IL21R: variants seen among roughly 807,000 people sequenced by gnomAD.
IL21R encodes interleukin 21 receptor, also known as interleukin-21 receptor.
Under a neutral mutation model 41.3 loss-of-function variants are expected in IL21R, and 14 were observed. That is an observed-to-expected ratio of 0.34 (90% confidence interval 0.22 to 0.53). The LOEUF is 0.53. IL21R is among the 20% of genes least tolerant of loss of function. The probability of loss-of-function intolerance (pLI) is 0.94; values close to 1 mark genes in which losing one functional copy is unlikely to be tolerated. For missense variants in IL21R, 588 were observed against 681.6 expected (o/e 0.86, Z 1.53); for synonymous variants, 286 against 287.6 (o/e 0.99, Z 0.05).
At chr16:27,418,858 ATATAT>A (rs1384242680) in intron 1 of IL21R, among the ~76,000 whole-genome samples, 3 of 150,362 alleles carry the variant, frequency 2.0e-5, no homozygotes, top group Admixed American at 1.3e-4. Context: ...AAGCCTTTTT[ATATAT>A]TATATTTTAA....
At chr16:27,406,766 A>C (rs983018764) in intron 1 of IL21R, among the ~76,000 whole-genome samples, 5 of 152,128 alleles carry the variant, frequency 3.3e-5, no homozygotes, top group Non-Finnish European at 5.9e-5. Flanking sequence ...CACACTCCGC[A>C]TCCAGGCTAA....
chr16:27,443,026 C>T lies in IL21R; in HGVS notation c.417C>T (p.Arg139=). The T allele has an allele frequency of 6.2e-7, 1 of 1,613,930 alleles. No individual in the cohort carries two copies. Among genetic ancestry groups the T allele is most frequent in the Non-Finnish European group, 8.5e-7 (1 of 1,179,894 alleles). The part of the protein sequence containing the change: ...TFSGQYNISW[R]SDYEDPAFYM... ...CAGGACAGTATAATATCTCCTGGCG[C>T]TCAGATTACGAAGACCCTGCCTTCT... The change falls in exon 5 of 9, where the codon CGC becomes CGT. Residue 139 remains arginine, a synonymous_variant. Transcript: ENST00000337929.
intron 4 of IL21R, 33 bp from the exon 5 acceptor site, chr16:27,442,929 C>T (rs1339474568): frequency 3.9e-6 from 6 of 1,555,072 alleles, no homozygotes; most frequent in Non-Finnish European, 5.2e-6. Context: ...CAAATTCTCA[C>T]CCCATTTTCT....
At chr16:27,444,459 C>G (rs2087442140) in intron 5 of IL21R, 83 bp from the exon 6 acceptor site, 7 of 947,846 alleles carry the variant, frequency 7.4e-6, no homozygotes, top group Non-Finnish European at 8.9e-6. Flanking sequence ...TTGATGGAAG[C>G]TGGGAAAAGA....
intron 1 of IL21R, among the ~76,000 whole-genome samples, chr16:27,429,472 C>T (rs2087131973): frequency 6.6e-6 from 1 of 152,042 alleles, no homozygotes; most frequent in Admixed American, 6.6e-5. Context: ...AGTCTCCTCC[C>T]TCTTTAAATT....
Position 27,448,671 on chromosome 16 carries a change from A to G in IL21R, c.1005A>G (p.Gln335=), listed in dbSNP as rs1178404739. Reference sequence around the variant, plus strand: ...AGAGGCTGCAGCTCACGGAGCTACAAGAACCAGCAGAGCTGGTGGAGTCTG... The same window carrying G: ...AGAGGCTGCAGCTCACGGAGCTACAGGAACCAGCAGAGCTGGTGGAGTCTG... ...PAKRLQLTEL[Q]EPAELVESDG... The change falls in exon 9 of 9, where the codon CAA becomes CAG. Residue 335 remains glutamine (Q), a synonymous_variant. Coordinates refer to ENST00000337929, the MANE Select transcript of IL21R (RefSeq NM_181078.3). 1 of 1,613,076 alleles carries G rather than the reference A, an allele frequency of 6.2e-7. No homozygotes were observed. The highest frequency in any genetic ancestry group is 8.5e-7 in the Non-Finnish European group (1 of 1,180,020).
chr16:27,409,678 T>C lies in IL21R; in HGVS notation c.-17+7060T>C, dbSNP rs190447752. On this transcript the variant is annotated intron_variant, in intron 1 of 8. Coordinates refer to ENST00000337929, the MANE Select transcript of IL21R (RefSeq NM_181078.3). The stretch of plus-strand genomic sequence containing the variant: ...ACTGAAAATCAAGTGGTTGAATACA[T>C]GAGTTTATTTCTACTGTTTCTGTTC... 2.2e-3 allele frequency among the ~76,000 whole-genome samples: 329 copies of C among 152,318 alleles called. 2 individuals carry two copies. Among genetic ancestry groups the C allele is most frequent in the African/African-American group, 7.6e-3 (317 of 41,580 alleles).
intron 1 of IL21R, among the ~76,000 whole-genome samples, chr16:27,428,948 G>T (rs1053648443): frequency 6.6e-6 from 1 of 152,236 alleles, no homozygotes; most frequent in Non-Finnish European, 1.5e-5. Context: ...TGATGGCTGG[G>T]TGCAGTGGCT....
intron 1 of IL21R, among the ~76,000 whole-genome samples, chr16:27,420,050 G>A (rs1014009703): frequency 6.6e-6 from 1 of 151,858 alleles, no homozygotes; most frequent in African/African-American, 2.4e-5. Flanking sequence ...ACCACGCCTG[G>A]CTAAGTTTTT....
At position 27,449,320 on chromosome 16, in the gene IL21R, T is replaced by C. The variant is rs371520460; in HGVS notation, c.*37T>C. 21 of 1,540,962 alleles carry C rather than the reference T, an allele frequency of 1.4e-5. No individual in the cohort carries two copies. The African/African-American group carries it at 2.2e-4, about 16-fold the overall frequency. ...GGATGTCCAGAGCTGGCCAGGCCAC[T>C]GGGCCCTGAGCCAGAGACAAGGTCA... On this transcript the variant is annotated 3_prime_UTR_variant, in exon 9 of 9. Coordinates refer to ENST00000337929, the MANE Select transcript of IL21R (RefSeq NM_181078.3).
chr16:27,445,331 T>A (rs1323570245), intron 7 of IL21R, 55 bp downstream of exon 7: 21 of 1,095,266 alleles, frequency 1.9e-5, no homozygotes, highest in Non-Finnish European at 2.8e-5. Context: ...CCACTGCCCC[T>A]GTATGATACA....
At chr16:27,433,552 A>G (rs1322025996) in intron 2 of IL21R, among the ~76,000 whole-genome samples, 3 of 152,248 alleles carry the variant, frequency 2.0e-5, no homozygotes, top group African/African-American at 7.2e-5. Context: ...ACAAAGCTAC[A>G]AATTATTCCA....
Position 27,430,961 on chromosome 16 carries a change from G to C in IL21R, c.49+841G>C, listed in dbSNP as rs192413194. 2.6e-4 allele frequency among the ~76,000 whole-genome samples: 39 copies of C among 152,302 alleles called. No homozygotes were observed. The East Asian group carries it at 7.1e-3, about 28-fold the overall frequency. The stretch of plus-strand genomic sequence containing the variant: ...AGCCCCCAGAGGACCAGATGTTGTG[G>C]TTAGAGGGGGTGACGTTAGAAAGCA... On this transcript the variant is annotated intron_variant, in intron 2 of 8. Transcript: ENST00000337929.
At chr16:27,421,304 A>G (rs2141273512) in intron 1 of IL21R, among the ~76,000 whole-genome samples, 1 of 146,278 alleles carries the variant, frequency 6.8e-6, no homozygotes, top group East Asian at 2.0e-4. Context: ...ACATTTCCCT[A>G]TAAATTTTAG....
rs558042868 is a variant in IL21R, at chr16:27,451,335, T to G, written c.*2052T>G. The G allele has an allele frequency of 4.4e-6, 1 of 226,048 alleles. No individual in the cohort carries two copies. Among genetic ancestry groups the G allele is most frequent in the Non-Finnish European group, 8.8e-6 (1 of 113,610 alleles). The allele number at this position is 226,048 out of a possible 1,614,324, so 14.0% of individuals were successfully genotyped here. A position where few individuals can be genotyped will look rare whatever the true frequency, so the allele number is the denominator to read the frequency against. ...TGGTTGGGGAAGGCCTGAGGCCAGA[T>G]TGGGGGACTCTGGACTGGGGCAGAT... On this transcript the variant is annotated 3_prime_UTR_variant, in exon 9 of 9. Coordinates refer to ENST00000337929, the MANE Select transcript of IL21R (RefSeq NM_181078.3).
intron 1 of IL21R, among the ~76,000 whole-genome samples, chr16:27,422,927 C>T (rs1596575916): frequency 6.6e-6 from 1 of 152,134 alleles, no homozygotes; most frequent in East Asian, 1.9e-4. Context: ...TTGATGCAGT[C>T]AAGAATGAAC....
chr16:27,445,417 T>C (rs1471375848), intron 7 of IL21R, 141 bp downstream of exon 7: 2 of 658,432 alleles, frequency 3.0e-6, no homozygotes, highest in African/African-American at 3.6e-5. Flanking sequence ...ACAGCCACCA[T>C]GTGCTGGACA....
intron 4 of IL21R, 66 bp downstream of exon 4, chr16:27,437,753 T>C: frequency 7.4e-7 from 1 of 1,352,124 alleles, no homozygotes; most frequent in Non-Finnish European, 1.0e-6. Context: ...CCCTGACCTC[T>C]CTGGGCTCAG....
intron 1 of IL21R, among the ~76,000 whole-genome samples, chr16:27,412,578 G>T (rs183982120): frequency 7.9e-5 from 12 of 152,142 alleles, no homozygotes; most frequent in Non-Finnish European, 1.5e-5. Flanking sequence ...TTTTCTGTGA[G>T]TAGTATTGTC....
Sources: allele counts gnomAD v4.1 joint callset (sites outside exome capture counted in the v4.1 genomes callset), GRCh38; gene constraint gnomAD v4.1.1; transcripts MANE v1.5; gene names NCBI Gene and HGNC (gene_info 2026-07-23, HGNC 2026-07-21).